The following CALN1 variants were observed in gnomAD, a reference collection of about 807,000 sequenced individuals.
CALN1 encodes calneuron 1, also known as calcium-binding protein 8.
A neutral mutation model predicts 30.6 loss-of-function variants in CALN1; 17 were observed. The observed-to-expected ratio is 0.56, with a 90% confidence interval of 0.38 to 0.83. The LOEUF (loss-of-function observed/expected upper bound fraction) is 0.83, where lower values mean the gene tolerates loss of function less well. Ranked by LOEUF, CALN1 falls within the 40% of genes least tolerant of loss-of-function variation. The pLI is 0.00. For synonymous variants in CALN1, 156 were observed against 131.4 expected (o/e 1.19, Z -1.28); for missense variants, 291 against 354.9 (o/e 0.82, Z 1.45).
rs1305576740 is a variant in CALN1, at chr7:72,271,564, T to TAAAAA, written c.244+7117_244+7121dup. Among the ~76,000 whole-genome samples, 214 of 64,338 alleles carry TAAAAA rather than the reference T, an allele frequency of 3.3e-3. 7 individuals are homozygous for TAAAAA. The highest frequency in any genetic ancestry group is 4.4e-3 in the Non-Finnish European group (174 of 39,604). The allele number at this position is 64,338 out of a possible 152,430, so 42.2% of individuals were successfully genotyped here. A position where few individuals can be genotyped will look rare whatever the true frequency, so the allele number is the denominator to read the frequency against. On this transcript the variant is annotated intron_variant, in intron 3 of 6. Coordinates refer to ENST00000395275, the MANE Select transcript of CALN1 (RefSeq NM_031468.4). The stretch of plus-strand genomic sequence containing the variant: ...AGCATGAACCACTGTGCCTGCCTTT[T>TAAAAA]AAAAAAAAAAAATATATATATATAT...
intron 2 of CALN1, among the ~76,000 whole-genome samples, chr7:72,359,150 A>C (rs1193726274): frequency 6.6e-6 from 1 of 151,962 alleles, no homozygotes; most frequent in Admixed American, 6.6e-5. Flanking sequence ...ACTAGATCTC[A>C]TACCCTTTAT....
intron 5 of CALN1, among the ~76,000 whole-genome samples, chr7:71,953,797 C>A (rs1302483388): frequency 2.0e-5 from 3 of 151,918 alleles, no homozygotes; most frequent in Non-Finnish European, 4.4e-5. Flanking sequence ...GGCAGATGCT[C>A]TGATGGGGCT....
At chr7:71,858,109 C>G (rs1490049313) in intron 5 of CALN1, among the ~76,000 whole-genome samples, 6 of 152,186 alleles carry the variant, frequency 3.9e-5, no homozygotes, top group African/African-American at 9.6e-5. Context: ...TGGGAGGGAC[C>G]CTGTGGGAAG....
the CALN1 span, among the ~76,000 whole-genome samples, chr7:72,475,189 T>G: frequency 1.3e-5 from 2 of 151,894 alleles, no homozygotes; most frequent in Non-Finnish European, 2.9e-5. Context: ...AGTGGCAGGG[T>G]GCGGTGGCTC....
intron 5 of CALN1, among the ~76,000 whole-genome samples, chr7:71,894,116 G>C (rs922076124): frequency 6.6e-6 from 1 of 152,172 alleles, no homozygotes; most frequent in African/African-American, 2.4e-5. Context: ...CACAGCCAGA[G>C]CCCTACTTGT....
At chr7:72,073,353 C>T (rs553366547) in intron 4 of CALN1, among the ~76,000 whole-genome samples, 42 of 152,240 alleles carry the variant, frequency 2.8e-4, no homozygotes, top group African/African-American at 9.4e-4. Flanking sequence ...TATTTACTTG[C>T]TTATTTCCAC....
chr7:72,322,237 T>A (rs1800933072), intron 2 of CALN1, among the ~76,000 whole-genome samples: 1 of 152,086 alleles, frequency 6.6e-6, no homozygotes, highest in Admixed American at 6.6e-5. Context: ...GCAACCTAGA[T>A]CCCTTGCATG....
At chr7:71,907,133 T>C (rs1794178994) in intron 5 of CALN1, among the ~76,000 whole-genome samples, 1 of 152,176 alleles carries the variant, frequency 6.6e-6, no homozygotes, top group Non-Finnish European at 1.5e-5. Flanking sequence ...TTTTCAGCTT[T>C]GGATAATTGA....
At chr7:72,009,040 A>G (rs1049413326) in intron 5 of CALN1, among the ~76,000 whole-genome samples, 1 of 152,228 alleles carries the variant, frequency 6.6e-6, no homozygotes, top group African/African-American at 2.4e-5. Flanking sequence ...TGAAGATAAT[A>G]TAAGTTTTCA....
chr7:72,006,662 A>G (rs844736), intron 5 of CALN1, among the ~76,000 whole-genome samples: 22,674 of 152,122 alleles, frequency 0.15, 2,628 homozygotes, highest in East Asian at 0.38. Context: ...TAATATTAGA[A>G]AAGGAGGATT....
At chr7:72,487,713 A>AAAAGAAAGAAAGAAAGAAAG in the CALN1 span, among the ~76,000 whole-genome samples, 48 of 68,702 alleles carry the variant, frequency 7.0e-4, 1 homozygote, top group African/African-American at 3.9e-3. Context: ...AAAAGAAAAG[A>AAAAGAAAGAAAGAAAGAAAG]AAAGAAAGAA....
chr7:72,482,065 CTGT>C, the CALN1 span, among the ~76,000 whole-genome samples: 1 of 152,108 alleles, frequency 6.6e-6, no homozygotes, highest in Non-Finnish European at 1.5e-5. Flanking sequence ...TTTCGAAGCT[CTGT>C]TATTAGGAAC....
chr7:72,469,790 T>A, the CALN1 span, among the ~76,000 whole-genome samples: 11 of 152,314 alleles, frequency 7.2e-5, no homozygotes, highest in Admixed American at 5.9e-4. Flanking sequence ...AGCTTTCTAG[T>A]AAATTGTGAA....
At chr7:71,798,131 G>C (rs1038862725) in intron 6 of CALN1, among the ~76,000 whole-genome samples, 20 of 88,012 alleles carry the variant, frequency 2.3e-4, no homozygotes, top group East Asian at 1.9e-3. Flanking sequence ...GACAGAGAGA[G>C]AGAGAGAGAG....
chr7:72,111,383 G>A (rs769467604), intron 3 of CALN1, among the ~76,000 whole-genome samples: 2 of 152,234 alleles, frequency 1.3e-5, no homozygotes, highest in Non-Finnish European at 2.9e-5. Flanking sequence ...GAAGCAGAGA[G>A]TCTTGAGCCA....
intron 3 of CALN1, among the ~76,000 whole-genome samples, chr7:72,148,757 T>C (rs1786977571): frequency 1.3e-5 from 2 of 151,738 alleles, no homozygotes; most frequent in African/African-American, 4.8e-5. Flanking sequence ...ATACAAAAAT[T>C]AGCCAGCAAT....
chr7:71,863,574 AAAAAAAAAAG>A (rs1382162307), intron 5 of CALN1, among the ~76,000 whole-genome samples: 15 of 150,480 alleles, frequency 1.0e-4, no homozygotes, highest in African/African-American at 3.6e-4. Context: ...AAAAAAAAAA[AAAAAAAAAAG>A]AAGAAAGAAA....
In CALN1 at chr7:71,902,474, A is replaced by G. The variant is rs114901189; in HGVS notation, c.502-91982T>C. Among the ~76,000 whole-genome samples the G allele has an allele frequency of 1.9e-3, 287 of 152,290 alleles. 1 individual carries two copies. The highest frequency in any genetic ancestry group is 6.6e-3 in the African/African-American group (276 of 41,566). ...AGCAAATAGATGGATAGACCAATGG[A>G]ACAGAATAGAGAACCCAAAAATAAA... On this transcript the variant is annotated intron_variant, in intron 5 of 6. Transcript: ENST00000395275.
At chr7:72,343,819 T>C (rs562811550) in intron 2 of CALN1, among the ~76,000 whole-genome samples, 4 of 152,310 alleles carry the variant, frequency 2.6e-5, no homozygotes, top group South Asian at 2.1e-4. Flanking sequence ...TTTCTCATTG[T>C]GGTGTCTCCA....
Sources: gnomAD v4.1 joint callset for allele counts (sites outside exome capture counted in the v4.1 genomes callset) on GRCh38, gnomAD v4.1.1 for gene constraint, MANE v1.5 for transcripts, NCBI Gene and HGNC (gene_info 2026-07-23, HGNC 2026-07-21) for gene names.